FAM227B: variants seen among roughly 807,000 people sequenced by gnomAD.
FAM227B encodes family with sequence similarity 227 member B.
Under a neutral mutation model 73.8 loss-of-function variants are expected in FAM227B, and 88 were observed. The ratio of observed to expected loss-of-function variants is 1.19; its 90% confidence interval spans 1.00 to 1.42. The LOEUF is 1.42. Ranked by LOEUF, FAM227B falls within the 40% of genes most tolerant of loss-of-function variation. FAM227B has a pLI of 0.00. For missense variants in FAM227B, 632 were observed against 590.9 expected (o/e 1.07, Z -0.72); for synonymous variants, 210 against 190.5 (o/e 1.10, Z -0.84).
intron 11 of FAM227B, among the ~76,000 whole-genome samples, chr15:49,387,556 C>T (rs1455706328): frequency 6.6e-6 from 1 of 151,840 alleles, no homozygotes; most frequent in African/African-American, 2.4e-5. Context: ...AGCATTTCCC[C>T]TGAGAACAGA....
chr15:49,532,690 T>C (rs1433252219), intron 10 of FAM227B, among the ~76,000 whole-genome samples: 1 of 151,774 alleles, frequency 6.6e-6, no homozygotes, highest in African/African-American at 2.4e-5. Context: ...TATTAAAATA[T>C]TAGAATTCTC....
At chr15:49,556,003 T>C (rs941044377) in intron 9 of FAM227B, among the ~76,000 whole-genome samples, 3 of 152,226 alleles carry the variant, frequency 2.0e-5, no homozygotes, top group Non-Finnish European at 4.4e-5. Flanking sequence ...TTAATCTGTA[T>C]TCTAAATTCT....
intron 13 of FAM227B, among the ~76,000 whole-genome samples, chr15:49,350,223 T>C (rs958052133): frequency 6.6e-6 from 1 of 152,232 alleles, no homozygotes; most frequent in Non-Finnish European, 1.5e-5. Context: ...TAGTCACATA[T>C]GGTTAATGAG....
intron 11 of FAM227B, chr15:49,425,586 G>T (rs542185078): frequency 6.6e-6 from 1 of 151,848 alleles, no homozygotes; most frequent in Non-Finnish European, 1.5e-5. Context: ...TGGGGAGACT[G>T]GTGTAAACAT....
intron 11 of FAM227B, among the ~76,000 whole-genome samples, chr15:49,491,675 A>G: frequency 6.6e-6 from 1 of 151,478 alleles, no homozygotes; most frequent in East Asian, 1.9e-4. Flanking sequence ...TCTGAATCCT[A>G]TTGCACTCTA....
chr15:49,502,811 C>A (rs965639626), intron 11 of FAM227B, among the ~76,000 whole-genome samples: 2 of 152,066 alleles, frequency 1.3e-5, no homozygotes, highest in Non-Finnish European at 2.9e-5. Flanking sequence ...ATGTAATCCC[C>A]AGTGTTGGAG....
chr15:49,552,526 T>C (rs2073153737), intron 9 of FAM227B, among the ~76,000 whole-genome samples: 1 of 152,212 alleles, frequency 6.6e-6, no homozygotes, highest in Admixed American at 6.5e-5. Context: ...ATTTTTCCTT[T>C]AGGTTTAAGG....
At chr15:49,500,067 C>T (rs1216285929) in intron 11 of FAM227B, among the ~76,000 whole-genome samples, 1 of 152,114 alleles carries the variant, frequency 6.6e-6, no homozygotes, top group Non-Finnish European at 1.5e-5. Context: ...AAGCAACATA[C>T]TGGGAGAAAA....
At chr15:49,381,801 T>C (rs1451791361) in intron 11 of FAM227B, among the ~76,000 whole-genome samples, 2 of 152,198 alleles carry the variant, frequency 1.3e-5, no homozygotes, top group Non-Finnish European at 2.9e-5. Context: ...ATCATTTTAA[T>C]AAGCATTGTT....
intron 5 of FAM227B, among the ~76,000 whole-genome samples, chr15:49,587,498 T>A (rs963614938): frequency 6.6e-6 from 1 of 152,114 alleles, no homozygotes; most frequent in Non-Finnish European, 1.5e-5. Flanking sequence ...GTTAAATTTT[T>A]AAAAATAAAG....
chr15:49,382,573 T>A (rs1044009993), intron 11 of FAM227B, among the ~76,000 whole-genome samples: 9 of 152,016 alleles, frequency 5.9e-5, no homozygotes, highest in Non-Finnish European at 8.8e-5. Flanking sequence ...AGCATGCAAT[T>A]TAAGTGTAAT....
At chr15:49,476,212 G>GTT (rs1567351529) in intron 11 of FAM227B, among the ~76,000 whole-genome samples, 1 of 81,254 alleles carries the variant, frequency 1.2e-5, no homozygotes, top group African/African-American at 3.3e-5. Flanking sequence ...TTATTTTGCT[G>GTT]TTTTGTTTTT....
intron 11 of FAM227B, among the ~76,000 whole-genome samples, chr15:49,395,233 A>C (rs1206068596): frequency 2.0e-5 from 3 of 151,942 alleles, no homozygotes; most frequent in African/African-American, 7.3e-5. Context: ...CTTTGTTTTC[A>C]ACTTTTCTAG....
rs1025686073 is a variant in FAM227B at position 49,596,674 on chromosome 15, A to C, written c.106-6667T>G. Reference sequence around the variant, plus strand: ...TAAATGCTCCACTTAGAAGATACAGAATGGCAGAATGGATAAGAATTCATC... The same window carrying C: ...TAAATGCTCCACTTAGAAGATACAGCATGGCAGAATGGATAAGAATTCATC... On this transcript the variant is annotated intron_variant, in intron 3 of 15. Coordinates refer to ENST00000299338, the MANE Select transcript of FAM227B (RefSeq NM_152647.3). 4.6e-5 allele frequency among the ~76,000 whole-genome samples: 7 copies of C among 151,970 alleles called. 1 individual carries two copies. Among genetic ancestry groups the C allele is most frequent in the Non-Finnish European group, 1.0e-4 (7 of 67,900 alleles).
rs566617613 is a variant in FAM227B, at chr15:49,354,940, T to C, written c.1271+12508A>G. On this transcript the variant is annotated intron_variant, in intron 13 of 15. Transcript: ENST00000299338. ...CAAGTGGGTCCCTGACCCCTGACCC[T>C]CGAGCAGCCTAACTGGGAGGCACCC... 9.4e-3 allele frequency among the ~76,000 whole-genome samples: 1,430 copies of C among 151,786 alleles called. 12 individuals are homozygous for C. Among genetic ancestry groups the C allele is most frequent in the Non-Finnish European group, 0.011 (717 of 67,926 alleles).
chr15:49,347,888 A>C (rs1309409267), intron 13 of FAM227B, among the ~76,000 whole-genome samples: 2 of 151,960 alleles, frequency 1.3e-5, no homozygotes, highest in Non-Finnish European at 2.9e-5. Context: ...GCGTGGTGGC[A>C]GATGCCTGTA....
chr15:49,544,052 A>T (rs1436208668), intron 9 of FAM227B, among the ~76,000 whole-genome samples: 1 of 152,034 alleles, frequency 6.6e-6, no homozygotes, highest in African/African-American at 2.4e-5. Context: ...CTTTTATGGG[A>T]ATTGCACTGA....
intron 9 of FAM227B, among the ~76,000 whole-genome samples, chr15:49,565,111 C>A (rs965092001): frequency 6.6e-6 from 1 of 152,000 alleles, no homozygotes; most frequent in Non-Finnish European, 1.5e-5. Flanking sequence ...AGGCCGGGCA[C>A]AGTAGTTCAC....
At chr15:49,491,987 A>G (rs1567389647) in intron 11 of FAM227B, among the ~76,000 whole-genome samples, 1 of 151,814 alleles carries the variant, frequency 6.6e-6, no homozygotes, top group Admixed American at 6.6e-5. Flanking sequence ...TTGATAAAAT[A>G]TATAATAAAT....
Sources: gnomAD v4.1 joint callset for allele counts (sites outside exome capture counted in the v4.1 genomes callset) on GRCh38, gnomAD v4.1.1 for gene constraint, MANE v1.5 for transcripts, NCBI Gene and HGNC (gene_info 2026-07-23, HGNC 2026-07-21) for gene names.